CBL: variants seen among roughly 807,000 people sequenced by gnomAD.
CBL encodes Cbl proto-oncogene, also known as E3 ubiquitin-protein ligase CBL.
A neutral mutation model predicts 96.9 loss-of-function variants in CBL; 45 were observed. That is an observed-to-expected ratio of 0.46 (90% CI 0.37 to 0.60). CBL has a LOEUF of 0.60. Among genes scored for constraint, CBL ranks in the 20% least tolerant of loss-of-function variants. CBL has a pLI of 0.00. For missense variants in CBL, 1,024 were observed against 1,143.5 expected (o/e 0.90, Z 1.51); for synonymous variants, 420 against 426.8 (o/e 0.98, Z 0.20).
In CBL at chr11:119,237,162, A is replaced by G. The variant is rs559995239; in HGVS notation, c.443+4467A>G. Among the ~76,000 whole-genome samples the G allele has an allele frequency of 3.9e-5, 6 of 152,312 alleles. No individual in the cohort carries two copies. In the South Asian group the frequency reaches 1.0e-3, roughly 26 times the overall value. ...CATAATATACACAGGGTTCAGTACT[A>G]TCTGTGGTTTCAGGCATCTGCACAT... is the stretch of plus-strand genomic sequence containing the variant. On this transcript the variant is annotated intron_variant, in intron 2 of 15. Coordinates refer to ENST00000264033, the MANE Select transcript of CBL (RefSeq NM_005188.4).
chr11:119,281,240 G>A (rs1949931087), intron 9 of CBL, among the ~76,000 whole-genome samples: 1 of 151,966 alleles, frequency 6.6e-6, no homozygotes, highest in South Asian at 2.1e-4. Flanking sequence ...GGAGTACCTT[G>A]GTTCCCATGT....
intron 2 of CBL, among the ~76,000 whole-genome samples, chr11:119,236,595 GTATATATATATATA>G (rs71048051): frequency 5.8e-5 from 8 of 137,764 alleles, no homozygotes; most frequent in East Asian, 2.1e-4. Flanking sequence ...CTTCTTTTGA[GTATATATATATATA>G]TATATATATA....
intron 2 of CBL, among the ~76,000 whole-genome samples, chr11:119,237,164 C>A (rs1322128274): frequency 6.6e-6 from 1 of 152,166 alleles, no homozygotes; most frequent in East Asian, 1.9e-4. Context: ...TCAGTACTAT[C>A]TGTGGTTTCA....
At chr11:119,216,689 A>G (rs1453898214) in intron 1 of CBL, among the ~76,000 whole-genome samples, 7 of 152,160 alleles carry the variant, frequency 4.6e-5, no homozygotes, top group African/African-American at 1.7e-4. Flanking sequence ...TATTTTAAAC[A>G]GCAGCACATA....
intron 2 of CBL, among the ~76,000 whole-genome samples, chr11:119,260,308 A>G (rs988122118): frequency 3.3e-5 from 5 of 150,552 alleles, no homozygotes; most frequent in Non-Finnish European, 7.4e-5. Flanking sequence ...TAGTGGTGCA[A>G]TCTCGGCTCA....
At chr11:119,291,848 T>C (rs559143223) in intron 12 of CBL, among the ~76,000 whole-genome samples, 1 of 152,324 alleles carries the variant, frequency 6.6e-6, no homozygotes, top group South Asian at 2.1e-4. Context: ...CTTTTAATCC[T>C]TCATAAGTTT....
At chr11:119,267,624 C>T (rs1173804817) in intron 2 of CBL, among the ~76,000 whole-genome samples, 3 of 152,186 alleles carry the variant, frequency 2.0e-5, no homozygotes, top group East Asian at 1.9e-4. Flanking sequence ...TATTCTTCCT[C>T]ACAGCACTTT....
chr11:119,280,527 G>A (rs1433499219), intron 9 of CBL, among the ~76,000 whole-genome samples: 1 of 152,056 alleles, frequency 6.6e-6, no homozygotes, highest in African/African-American at 2.4e-5. Flanking sequence ...CCTGGTAGAT[G>A]TTGTTTGTTG....
rs942736800 is a variant in CBL at position 119,302,101 on chromosome 11, C to T, written c.*2320C>T. On this transcript the variant is annotated 3_prime_UTR_variant, in exon 16 of 16. Coordinates refer to ENST00000264033, the MANE Select transcript of CBL (RefSeq NM_005188.4). ...GTCTCGACTTTTCCTTTTTTGAGTC[C>T]TGTGTGGCTCTTTGAATCAGCGTGA... 17 of 232,762 alleles carry T rather than the reference C, an allele frequency of 7.3e-5. No individual in the cohort carries two copies. The Admixed American group carries it at 7.9e-4, about 11-fold the overall frequency. The allele number at this position is 232,762 out of a possible 1,614,324, so 14.4% of individuals were successfully genotyped here.
chr11:119,256,105 G>T (rs1949708836), intron 2 of CBL, among the ~76,000 whole-genome samples: 1 of 151,440 alleles, frequency 6.6e-6, no homozygotes, highest in Non-Finnish European at 1.5e-5. Flanking sequence ...ATTAATGAAC[G>T]TTATTGAAAT....
rs763429368 is a variant in CBL, at chr11:119,274,973, G to C, written c.869+20G>C. ...TGGCAGGTCAGTTCAATGACGCAAA[G>C]AGATTTATTCTTCTGAATTTCGTTA... On this transcript the variant is annotated intron_variant, in intron 5 of 15. Transcript: ENST00000264033. 1.9e-6 allele frequency: 3 copies of C among 1,608,348 alleles called. No individual in the cohort carries two copies. The highest frequency in any genetic ancestry group is 4.5e-5 in the East Asian group (2 of 44,426).
chr11:119,246,932 T>G (rs1949636212), intron 2 of CBL, among the ~76,000 whole-genome samples: 1 of 152,212 alleles, frequency 6.6e-6, no homozygotes, highest in African/African-American at 2.4e-5. Context: ...TTCCATATAT[T>G]GATATATATC....
chr11:119,260,324 A>G (rs1251201584), intron 2 of CBL, among the ~76,000 whole-genome samples: 11 of 150,352 alleles, frequency 7.3e-5, no homozygotes, highest in Admixed American at 6.0e-4. Flanking sequence ...GCTCACTGCA[A>G]CCTCCACCTC....
chr11:119,226,510 G>A (rs1271090454), intron 1 of CBL, among the ~76,000 whole-genome samples: 1 of 151,792 alleles, frequency 6.6e-6, no homozygotes, highest in South Asian at 2.1e-4. Flanking sequence ...TTTGAGATGG[G>A]GTCTGTGGCA....
At chr11:119,256,237 G>T (rs1405626119) in intron 2 of CBL, among the ~76,000 whole-genome samples, 1 of 150,364 alleles carries the variant, frequency 6.7e-6, no homozygotes, top group Non-Finnish European at 1.5e-5. Flanking sequence ...TGTCGCCCAG[G>T]TTGGAGTGCA....
intron 2 of CBL, among the ~76,000 whole-genome samples, chr11:119,241,666 C>T (rs1048031243): frequency 6.6e-6 from 1 of 152,132 alleles, no homozygotes; most frequent in Non-Finnish European, 1.5e-5. Flanking sequence ...GTGCAAAATT[C>T]TTCTGGTAGG....
At chr11:119,234,251 C>T (rs893456776) in intron 2 of CBL, among the ~76,000 whole-genome samples, 2 of 152,192 alleles carry the variant, frequency 1.3e-5, no homozygotes, top group Non-Finnish European at 2.9e-5. Context: ...GGGGATCCGC[C>T]TGCCTCAGCC....
intron 2 of CBL, among the ~76,000 whole-genome samples, chr11:119,264,409 T>TTCTCTTCTCTTCTCTTCTCTTCTCG (rs1565868284): frequency 9.0e-5 from 11 of 122,252 alleles, no homozygotes; most frequent in African/African-American, 3.3e-4. Context: ...TTCTCTTCTC[T>TTCTCTTCTCTTCTCTTCTCTTCTCG]TCTCTTCTCT....
intron 6 of CBL, among the ~76,000 whole-genome samples, chr11:119,276,627 A>G (rs1456523472): frequency 2.0e-5 from 3 of 152,252 alleles, no homozygotes; most frequent in Non-Finnish European, 2.9e-5. Context: ...CAGAATTGCT[A>G]TTCCTTTGAG....
Sources: gnomAD v4.1 joint callset for allele counts (sites outside exome capture counted in the v4.1 genomes callset) on GRCh38, gnomAD v4.1.1 for gene constraint, MANE v1.5 for transcripts, NCBI Gene and HGNC (gene_info 2026-07-23, HGNC 2026-07-21) for gene names.